The following SPIDR variants were observed in gnomAD, a reference collection of about 807,000 sequenced individuals.
SPIDR encodes the protein scaffold protein involved in DNA repair.
SPIDR carries 93 observed loss-of-function variants against 104.6 expected under a neutral mutation model. The ratio of observed to expected loss-of-function variants is 0.89; its 90% confidence interval spans 0.75 to 1.06. The LOEUF is 1.06. SPIDR is among the 50% of genes least tolerant of loss of function. The pLI is 0.00. For synonymous variants in SPIDR, 431 were observed against 416.9 expected, an observed-to-expected ratio of 1.03 and a Z score of -0.41; for missense variants, 1,154 against 1,111.2, an observed-to-expected ratio of 1.04 and a Z score of -0.55.
intron 5 of SPIDR, among the ~76,000 whole-genome samples, chr8:47,304,500 C>G (rs1183582295): frequency 1.1e-4 from 17 of 152,030 alleles, no homozygotes. Flanking sequence ...GACCTCGTCT[C>G]TATTAAAAAA....
chr8:47,692,043 G>A (rs117767596), intron 11 of SPIDR, among the ~76,000 whole-genome samples: 10 of 152,278 alleles, frequency 6.6e-5, no homozygotes, highest in African/African-American at 1.4e-4. Context: ...GATAATGTTC[G>A]TAGGAAAATC....
At chr8:47,279,464 A>G in intron 1 of SPIDR, 1 of 160,532 alleles carries the variant, frequency 6.2e-6, no homozygotes, top group East Asian at 1.8e-4. Flanking sequence ...ACCTAGTTTC[A>G]GGCGCTCTTC....
At chr8:47,587,240 A>G (rs1031639313) in intron 8 of SPIDR, among the ~76,000 whole-genome samples, 1 of 152,160 alleles carries the variant, frequency 6.6e-6, no homozygotes, top group Non-Finnish European at 1.5e-5. Flanking sequence ...AAGTTGTGAG[A>G]ATGAGGTTAA....
intron 16 of SPIDR, among the ~76,000 whole-genome samples, chr8:47,725,423 C>A (rs1043755697): frequency 6.6e-6 from 1 of 152,158 alleles, no homozygotes; most frequent in Non-Finnish European, 1.5e-5. Context: ...GATAGAGTCT[C>A]TCTCTGTCAC....
chr8:47,629,930 G>A (rs2066797732), intron 10 of SPIDR, among the ~76,000 whole-genome samples: 1 of 152,158 alleles, frequency 6.6e-6, no homozygotes, highest in South Asian at 2.1e-4. Flanking sequence ...ATAGTTCCAA[G>A]TTCCCATACT....
intron 10 of SPIDR, among the ~76,000 whole-genome samples, chr8:47,639,224 T>A (rs2068455248): frequency 6.6e-6 from 1 of 152,234 alleles, no homozygotes; most frequent in African/African-American, 2.4e-5. Context: ...CCACGTGTGC[T>A]CCTTTGTTGT....
At chr8:47,322,075 G>T (rs1251931887) in intron 5 of SPIDR, among the ~76,000 whole-genome samples, 1 of 152,088 alleles carries the variant, frequency 6.6e-6, no homozygotes, top group Non-Finnish European at 1.5e-5. Context: ...CAATGGCAAC[G>T]AAAGCCAAAA....
intron 5 of SPIDR, among the ~76,000 whole-genome samples, chr8:47,394,220 A>T (rs1455436874): frequency 6.6e-6 from 1 of 151,908 alleles, no homozygotes; most frequent in Non-Finnish European, 1.5e-5. Context: ...CTGACACTTA[A>T]CTCTTCTCTT....
chr8:47,370,908 C>T (rs1396855589), intron 5 of SPIDR, among the ~76,000 whole-genome samples: 1 of 152,098 alleles, frequency 6.6e-6, no homozygotes, highest in East Asian at 1.9e-4. Context: ...TCCTGCTTAA[C>T]AAACCCTGTT....
intron 8 of SPIDR, among the ~76,000 whole-genome samples, chr8:47,493,042 AGTGTGTGT>A (rs60518877): frequency 0.041 from 5,710 of 140,596 alleles, 376 homozygotes; most frequent in African/African-American, 0.14. Flanking sequence ...AGAGAGAGTG[AGTGTGTGT>A]GTGTGTGTGT....
At chr8:47,570,922 C>G (rs2058439954) in intron 8 of SPIDR, among the ~76,000 whole-genome samples, 1 of 152,082 alleles carries the variant, frequency 6.6e-6, no homozygotes, top group Admixed American at 6.6e-5. Context: ...GAAACCCCGT[C>G]TCTACTAAAA....
intron 5 of SPIDR, among the ~76,000 whole-genome samples, chr8:47,338,460 A>G (rs1352673452): frequency 6.6e-6 from 1 of 152,214 alleles, no homozygotes; most frequent in Non-Finnish European, 1.5e-5. Flanking sequence ...AATGGCATTA[A>G]TGAACTGCAG....
intron 5 of SPIDR, among the ~76,000 whole-genome samples, chr8:47,364,406 A>G (rs1554632941): frequency 6.6e-6 from 1 of 152,206 alleles, no homozygotes; most frequent in African/African-American, 2.4e-5. Context: ...TTGGGTCAAA[A>G]GTAATCAAAA....
intron 10 of SPIDR, among the ~76,000 whole-genome samples, chr8:47,641,060 G>A (rs868134464): frequency 6.6e-6 from 1 of 151,264 alleles, no homozygotes; most frequent in Non-Finnish European, 1.5e-5. Flanking sequence ...CTGAAAAAGG[G>A]TATGCATATT....
intron 10 of SPIDR, among the ~76,000 whole-genome samples, chr8:47,663,110 G>A (rs1043668891): frequency 2.6e-5 from 4 of 152,252 alleles, no homozygotes; most frequent in Middle Eastern, 3.4e-3. Context: ...CCTCTTTCCC[G>A]TCCTAGGGTT....
rs140869303 is a variant in SPIDR at position 47,712,791 on chromosome 8, G to A, written c.2107G>A (p.Val703Met). Residue 703 changes from valine to methionine, a missense_variant, in exon 15 of 20, where the codon GTG (valine) becomes ATG (methionine). Coordinates refer to ENST00000297423, the MANE Select transcript of SPIDR (RefSeq NM_001080394.4). ...GCTGGTCTATGTGGCCCCCTTGTGT[G>A]TGCTGGGCTCTGAAGTCCTGGAGGC... ...TLLVYVAPLC[V>M]LGSEVLEALA... 616 of 1,614,162 alleles carry A rather than the reference G, an allele frequency of 3.8e-4. 13 individuals are homozygous for A. In the East Asian group the frequency reaches 0.014, roughly 36 times the overall value.
intron 14 of SPIDR, among the ~76,000 whole-genome samples, chr8:47,704,414 A>C (rs1198856643): frequency 1.3e-5 from 2 of 152,112 alleles, no homozygotes; most frequent in African/African-American, 4.8e-5. Context: ...CACACAACCA[A>C]ACCCTGGTGG....
intron 19 of SPIDR, 109 bp from the exon 20 acceptor site, chr8:47,735,198 C>T: frequency 9.9e-7 from 1 of 1,012,106 alleles, no homozygotes; most frequent in Non-Finnish European, 1.5e-6. Flanking sequence ...AGTGGAAGGT[C>T]GTGGACTGGG....
intron 5 of SPIDR, among the ~76,000 whole-genome samples, chr8:47,394,636 G>A (rs1013475960): frequency 1.3e-5 from 2 of 152,220 alleles, no homozygotes; most frequent in Admixed American, 6.5e-5. Context: ...GAGTGCCAAG[G>A]TTGAGAGACA....
Sources: gnomAD v4.1 joint callset for allele counts (sites outside exome capture counted in the v4.1 genomes callset) on GRCh38, gnomAD v4.1.1 for gene constraint, MANE v1.5 for transcripts, NCBI Gene and HGNC (gene_info 2026-07-23, HGNC 2026-07-21) for gene names.